The following GAREM1 variants were observed in gnomAD, a reference collection of about 807,000 sequenced individuals.
GAREM1 encodes GRB2 associated regulator of MAPK1 subtype 1.
A neutral mutation model predicts 71.3 loss-of-function variants in GAREM1; 26 were observed. The ratio of observed to expected loss-of-function variants is 0.36; its 90% CI spans 0.27 to 0.51. GAREM1 has a LOEUF of 0.51. Ranked by LOEUF, GAREM1 falls within the 20% of genes least tolerant of loss-of-function variation. The pLI, the probability that GAREM1 is intolerant of heterozygous loss-of-function variation, is 0.95. For missense variants in GAREM1, 1,026 were observed against 1,103.1 expected (o/e 0.93, Z 0.99); for synonymous variants, 440 against 433.2 (o/e 1.02, Z -0.20).
intron 2 of GAREM1, among the ~76,000 whole-genome samples, chr18:32,340,222 T>C (rs2047635001): frequency 6.6e-6 from 1 of 152,208 alleles, no homozygotes; most frequent in Admixed American, 6.5e-5. Context: ...ATGAGCAAAG[T>C]GGACAGTCAT....
At position 32,470,221 on chromosome 18, in the gene GAREM1, G is replaced by T. The variant is rs930670448; in HGVS notation, c.121+87C>A. ...AGGGGCGGGCAGCCCACTCCCCGCGGGTCCCACCCTCTCCAGCACACGCGC... is the reference window on the plus strand; with the variant it reads ...AGGGGCGGGCAGCCCACTCCCCGCGTGTCCCACCCTCTCCAGCACACGCGC... On this transcript the variant is annotated intron_variant, in intron 1 of 5. Transcript: ENST00000269209. This position sits in a 1 kb window ranked among gnomAD's most constrained non-coding sequence, Gnocchi z 4.4. The T allele has an allele frequency of 7.7e-7, 1 of 1,303,552 alleles. No individual in the cohort carries two copies. The highest frequency in any genetic ancestry group is 3.2e-5 in the East Asian group (1 of 31,618). The allele number at this position is 1,303,552 out of a possible 1,614,324, so 80.7% of individuals were successfully genotyped here. A position where few individuals can be genotyped will look rare whatever the true frequency, so the allele number is the denominator to read the frequency against.
At chr18:32,400,471 T>C (rs1055235692) in intron 1 of GAREM1, among the ~76,000 whole-genome samples, 3 of 151,862 alleles carry the variant, frequency 2.0e-5, no homozygotes, top group Non-Finnish European at 4.4e-5. Context: ...TCAAACAAAT[T>C]TACAAGAAAA....
chr18:32,356,824 AGGAGGACC>A (rs1249659505), intron 2 of GAREM1, among the ~76,000 whole-genome samples: 3 of 152,142 alleles, frequency 2.0e-5, no homozygotes, highest in African/African-American at 4.8e-5. Context: ...ACTGTCTCCT[AGGAGGACC>A]ATCATTATGA....
chr18:32,385,740 G>A (rs539607776), intron 2 of GAREM1, among the ~76,000 whole-genome samples: 1 of 152,234 alleles, frequency 6.6e-6, no homozygotes, highest in South Asian at 2.1e-4. Context: ...GGGAATAGTG[G>A]AGACGGGGGC....
At chr18:32,449,628 G>A (rs1327506938) in intron 1 of GAREM1, among the ~76,000 whole-genome samples, 1 of 152,148 alleles carries the variant, frequency 6.6e-6, no homozygotes, top group Non-Finnish European at 1.5e-5. Context: ...TTGTGCCACT[G>A]CACTCCAGTC....
chr18:32,414,089 T>C (rs2048445122), intron 1 of GAREM1, among the ~76,000 whole-genome samples: 1 of 152,162 alleles, frequency 6.6e-6, no homozygotes, highest in Admixed American at 6.6e-5. Flanking sequence ...GAAAAATCTA[T>C]TTTAATGACT....
At chr18:32,465,085 A>G (rs146020283) in intron 1 of GAREM1, among the ~76,000 whole-genome samples, 1 of 152,256 alleles carries the variant, frequency 6.6e-6, no homozygotes, top group African/African-American at 2.4e-5. Flanking sequence ...CCTCTAACAG[A>G]ACGAAGGTCT....
intron 2 of GAREM1, among the ~76,000 whole-genome samples, chr18:32,357,139 CCTT>C (rs956751592): frequency 6.6e-6 from 1 of 152,096 alleles, no homozygotes; most frequent in Non-Finnish European, 1.5e-5. Flanking sequence ...AATACTACCT[CCTT>C]ACTTGTTACT....
intron 2 of GAREM1, among the ~76,000 whole-genome samples, chr18:32,378,012 C>CTGTGTGTGTGTGTGTGTGTGTGTG (rs1157230204): frequency 3.0e-5 from 4 of 131,852 alleles, no homozygotes; most frequent in East Asian, 2.3e-4. Context: ...TACTATATAA[C>CTGTGTGTGTGTGTGTGTGTGTGTG]TGTGTGTGTG....
At chr18:32,371,358 C>G in intron 2 of GAREM1, among the ~76,000 whole-genome samples, 1 of 152,164 alleles carries the variant, frequency 6.6e-6, no homozygotes, top group East Asian at 1.9e-4. Flanking sequence ...GATTTAAATA[C>G]TCTGATGGTT....
chr18:32,404,499 A>C (rs1373279306), intron 1 of GAREM1, among the ~76,000 whole-genome samples: 2 of 151,704 alleles, frequency 1.3e-5, no homozygotes, highest in African/African-American at 4.8e-5. Flanking sequence ...GCAAGTATAT[A>C]TGTGATTTTA....
chr18:32,430,023 A>C (rs978661397), intron 1 of GAREM1, among the ~76,000 whole-genome samples: 2 of 152,232 alleles, frequency 1.3e-5, no homozygotes, highest in Non-Finnish European at 2.9e-5. Context: ...ATTTGGTTTC[A>C]AACACCATGT....
At chr18:32,274,242 C>A (rs2041506952) in intron 4 of GAREM1, among the ~76,000 whole-genome samples, 1 of 152,142 alleles carries the variant, frequency 6.6e-6, no homozygotes, top group Non-Finnish European at 1.5e-5. Context: ...ATTGTACCAT[C>A]TTAGTTCCTA....
intron 1 of GAREM1, among the ~76,000 whole-genome samples, chr18:32,398,116 T>C (rs574230609): frequency 1.3e-5 from 2 of 152,062 alleles, no homozygotes; most frequent in African/African-American, 4.8e-5. Context: ...TTGAAACCAA[T>C]GAGAACAAAG....
intron 1 of GAREM1, among the ~76,000 whole-genome samples, chr18:32,446,725 T>C (rs560041500): frequency 6.2e-4 from 94 of 152,350 alleles, no homozygotes; most frequent in Non-Finnish European, 1.0e-3. Flanking sequence ...TTCATCAATA[T>C]GTCTTGTATG....
At chr18:32,352,402 T>C (rs1056732005) in intron 2 of GAREM1, among the ~76,000 whole-genome samples, 5 of 152,144 alleles carry the variant, frequency 3.3e-5, no homozygotes, top group African/African-American at 1.2e-4. Flanking sequence ...ATCCTGTTCC[T>C]TTCATTGTAA....
At chr18:32,458,949 T>C (rs1406207888) in intron 1 of GAREM1, among the ~76,000 whole-genome samples, 2 of 151,988 alleles carry the variant, frequency 1.3e-5, no homozygotes, top group Non-Finnish European at 2.9e-5. Flanking sequence ...AATAAAATGA[T>C]GTAAAAAGGA....
At chr18:32,465,856 AG>A (rs1180824106) in intron 1 of GAREM1, among the ~76,000 whole-genome samples, 9 of 152,228 alleles carry the variant, frequency 5.9e-5, no homozygotes, top group Non-Finnish European at 1.2e-4. Context: ...CTGTGATGGA[AG>A]GAACCTGTCG....
At chr18:32,421,595 A>G (rs2048519934) in intron 1 of GAREM1, among the ~76,000 whole-genome samples, 1 of 152,212 alleles carries the variant, frequency 6.6e-6, no homozygotes, top group Admixed American at 6.5e-5. Flanking sequence ...TAACACTGGT[A>G]ACGTATATCA....
Sources: gnomAD v4.1 joint callset for allele counts (sites outside exome capture counted in the v4.1 genomes callset) on GRCh38, gnomAD v4.1.1 for gene constraint, Gnocchi (gnomAD v3.1) non-coding constraint, MANE v1.5 for transcripts, NCBI Gene and HGNC (gene_info 2026-07-23, HGNC 2026-07-21) for gene names.